The following GABRA3 variants were observed in gnomAD, a reference collection of about 807,000 sequenced individuals.
GABRA3 encodes the protein gamma-aminobutyric acid receptor subunit alpha-3.
Under a neutral mutation model 30.1 loss-of-function variants are expected in GABRA3, and 10 were observed. That is an observed-to-expected ratio of 0.33 (90% confidence interval 0.20 to 0.56). The LOEUF is 0.56. Ranked by LOEUF, GABRA3 falls within the 20% of genes least tolerant of loss-of-function variation. The probability of loss-of-function intolerance (pLI) is 0.89; values close to 1 mark genes in which losing one functional copy is unlikely to be tolerated. For synonymous variants in GABRA3, 151 were observed against 146.8 expected, an observed-to-expected ratio of 1.03 and a Z score of -0.21; for missense variants, 233 against 392.0, an observed-to-expected ratio of 0.59 and a Z score of 3.42.
chrX:152,413,683 G>A (rs1163627284), intron 1 of GABRA3, among the ~76,000 whole-genome samples: 1 of 110,957 alleles, frequency 9.0e-6, no homozygotes, highest in Non-Finnish European at 1.9e-5. Context: ...TGAAAAAAAC[G>A]TTGAGCTGCA....
intron 1 of GABRA3, among the ~76,000 whole-genome samples, chrX:152,418,637 G>A (rs182130746): frequency 2.2e-3 from 249 of 111,117 alleles, no homozygotes; most frequent in Middle Eastern, 4.6e-3. Context: ...AGTTAAAACC[G>A]AAGAAAGTAG....
chrX:152,360,458 AAC>A (rs1383796621), intron 2 of GABRA3, among the ~76,000 whole-genome samples: 1 of 101,739 alleles, frequency 9.8e-6, no homozygotes, highest in Non-Finnish European at 2.0e-5. Context: ...CAAAAAACCA[AAC>A]ACCGCATATT....
At chrX:152,412,565 G>A (rs1026176217) in intron 1 of GABRA3, among the ~76,000 whole-genome samples, 1 of 111,888 alleles carries the variant, frequency 8.9e-6, no homozygotes, top group African/African-American at 3.2e-5. Flanking sequence ...TAATATGGAT[G>A]AACCTAGAAG....
At chrX:152,300,834 G>C (rs995518268) in intron 3 of GABRA3, among the ~76,000 whole-genome samples, 12 of 111,977 alleles carry the variant, frequency 1.1e-4, no homozygotes, top group Admixed American at 9.5e-5. Context: ...CATCCAATAT[G>C]AGAAACAGTA....
intron 4 of GABRA3, among the ~76,000 whole-genome samples, chrX:152,275,642 C>T (rs1291960298): frequency 3.7e-5 from 4 of 107,010 alleles, no homozygotes; most frequent in Non-Finnish European, 7.7e-5. Context: ...GCCTGTAATC[C>T]TAGCTACTGG....
At chrX:152,226,614 A>C (rs111530028) in intron 5 of GABRA3, among the ~76,000 whole-genome samples, 11 of 111,676 alleles carry the variant, frequency 9.8e-5, no homozygotes, top group Non-Finnish European at 1.7e-4. Flanking sequence ...AAGGGGAGAA[A>C]ATTTTTGCAA....
At chrX:152,370,327 T>C (rs978010018) in intron 1 of GABRA3, among the ~76,000 whole-genome samples, 9 of 111,183 alleles carry the variant, frequency 8.1e-5, no homozygotes, top group African/African-American at 2.9e-4. Context: ...TGCCAGAACT[T>C]TACCTGAACA....
chrX:152,347,828 C>T (rs1466563686), intron 2 of GABRA3, among the ~76,000 whole-genome samples: 1 of 110,617 alleles, frequency 9.0e-6, no homozygotes. Flanking sequence ...GACAATATGG[C>T]GAAATCCTGC....
intron 1 of GABRA3, among the ~76,000 whole-genome samples, chrX:152,387,068 A>G (rs1269528579): frequency 9.6e-6 from 1 of 104,259 alleles, no homozygotes; most frequent in Non-Finnish European, 2.0e-5. Context: ...AACACCGCAT[A>G]TTCTCACTCA....
At chrX:152,326,727 C>A (rs1279594959) in intron 3 of GABRA3, among the ~76,000 whole-genome samples, 1 of 111,660 alleles carries the variant, frequency 9.0e-6, no homozygotes, top group African/African-American at 3.3e-5. Flanking sequence ...AAAGGAACAA[C>A]TGGTACCAAC....
Position 152,276,052 on chromosome X carries a change from G to T in GABRA3, c.330+8616C>A, listed in dbSNP as rs1049385136. 2.1e-4 allele frequency among the ~76,000 whole-genome samples: 23 copies of T among 110,441 alleles called. 1 individual carries two copies. The highest frequency in any genetic ancestry group is 7.6e-4 in the African/African-American group (23 of 30,418). On this transcript the variant is annotated intron_variant, in intron 4 of 9. Transcript: ENST00000370314. ...TAACATATTAGAGGAGAAAATTCAT[G>T]CAATCATCTTAATACAGGCCAAAGG...
At chrX:152,264,210 G>A (rs1053852113) in intron 4 of GABRA3, among the ~76,000 whole-genome samples, 1 of 111,495 alleles carries the variant, frequency 9.0e-6, no homozygotes, top group Non-Finnish European at 1.9e-5. Context: ...GCTGTGCTGT[G>A]TAAACTACTC....
At chrX:152,254,164 C>G (rs1274574858) in intron 5 of GABRA3, among the ~76,000 whole-genome samples, 1 of 111,360 alleles carries the variant, frequency 9.0e-6, no homozygotes, top group Non-Finnish European at 1.9e-5. Flanking sequence ...ACATGTTTGG[C>G]AAATGAATAA....
chrX:152,271,014 T>A (rs757640570), intron 4 of GABRA3, among the ~76,000 whole-genome samples: 2 of 107,274 alleles, frequency 1.9e-5, no homozygotes, highest in Non-Finnish European at 3.8e-5. Flanking sequence ...CAGGCTGGAC[T>A]GCAATGGTGC....
chrX:152,394,221 A>G (rs1469728445), intron 1 of GABRA3, among the ~76,000 whole-genome samples: 1 of 112,293 alleles, frequency 8.9e-6, no homozygotes, highest in Admixed American at 9.5e-5. Flanking sequence ...GATGTGTCCA[A>G]GATCTCATAG....
At chrX:152,255,026 G>A (rs190333126) in intron 5 of GABRA3, among the ~76,000 whole-genome samples, 167 of 111,612 alleles carry the variant, frequency 1.5e-3, no homozygotes, top group African/African-American at 5.3e-3. Flanking sequence ...CTCTATGACA[G>A]TAACAAGTTA....
chrX:152,403,784 CAG>C (rs1929856524), intron 1 of GABRA3, among the ~76,000 whole-genome samples: 1 of 110,483 alleles, frequency 9.1e-6, no homozygotes, highest in African/African-American at 3.3e-5. Flanking sequence ...GATTAAGAGA[CAG>C]AGAAGTGGAA....
chrX:152,326,678 C>G (rs1002327809), intron 3 of GABRA3, among the ~76,000 whole-genome samples: 1 of 111,450 alleles, frequency 9.0e-6, no homozygotes, highest in Non-Finnish European at 1.9e-5. Flanking sequence ...ACCACCAGGC[C>G]TGCCCTAAAA....
chrX:152,273,472 A>C (rs1938984941), intron 4 of GABRA3, among the ~76,000 whole-genome samples: 1 of 112,627 alleles, frequency 8.9e-6, no homozygotes, highest in Non-Finnish European at 1.9e-5. Context: ...AATATGTCCA[A>C]GAGCTACCTG....
Sources: gnomAD v4.1 joint callset for allele counts (sites outside exome capture counted in the v4.1 genomes callset) on GRCh38, gnomAD v4.1.1 for gene constraint, MANE v1.5 for transcripts, NCBI Gene and HGNC (gene_info 2026-07-23, HGNC 2026-07-21) for gene names.